The following CD83 variants were observed in gnomAD, a reference collection of about 807,000 sequenced individuals.
CD83 encodes CD83 antigen.
Under a neutral mutation model 24.6 loss-of-function variants are expected in CD83, and 22 were observed. The ratio of observed to expected loss-of-function variants is 0.90; its 90% CI spans 0.64 to 1.28. The LOEUF is 1.28. Ranked by LOEUF, CD83 falls within the 50% of genes most tolerant of loss-of-function variation. The pLI is 0.00. For synonymous variants in CD83, 101 were observed against 103.5 expected (o/e 0.98, Z 0.14); for missense variants, 253 against 252.8 (o/e 1.00, Z -0.01).
chr6:14,135,014 T>C, intron 4 of CD83, 94 bp from the exon 5 acceptor site: 15 of 1,307,566 alleles, frequency 1.1e-5, no homozygotes, highest in Non-Finnish European at 1.6e-5. Flanking sequence ...GAATGGGTTG[T>C]CTAGCCAGCT....
intron 2 of CD83, 32 bp from the exon 3 acceptor site, chr6:14,131,488 G>T (rs374415687): frequency 1.3e-6 from 2 of 1,518,648 alleles, no homozygotes; most frequent in Admixed American, 1.7e-5. Flanking sequence ...GCTTGCAGTG[G>T]ACCGTGATGC....
chr6:14,134,346 G>T (rs1757992778), intron 4 of CD83, among the ~76,000 whole-genome samples: 1 of 152,378 alleles, frequency 6.6e-6, no homozygotes, highest in East Asian at 1.9e-4. Flanking sequence ...CCCATGAGCT[G>T]TTGGTTGCAG....
At chr6:14,119,546 G>A (rs1581325314) in intron 2 of CD83, among the ~76,000 whole-genome samples, 1 of 152,154 alleles carries the variant, frequency 6.6e-6, no homozygotes, top group African/African-American at 2.4e-5. Flanking sequence ...CTTAGGGAGG[G>A]AAATAACTTG....
rs147342996 is a variant in CD83 at position 14,131,616 on chromosome 6, G to A, written c.250G>A (p.Ala84Thr). Residue 84 changes from alanine (A) to threonine (T), a missense_variant, in exon 3 of 5, where the codon GCC becomes ACC. Coordinates refer to ENST00000379153, the MANE Select transcript of CD83 (RefSeq NM_004233.4). ...HQKGQNGSFD[A>T]PNERPYSLKI... ...GAAGGGGCAAAATGGTTCTTTCGACGCCCCCAATGAAAGGCCCTATTCCCT... is the reference window on the plus strand; with the variant it reads ...GAAGGGGCAAAATGGTTCTTTCGACACCCCCAATGAAAGGCCCTATTCCCT... The A allele has an allele frequency of 1.8e-5, 29 of 1,613,936 alleles. No homozygotes were observed. The highest frequency in any genetic ancestry group is 1.6e-4 in the Middle Eastern group (1 of 6,084).
chr6:14,133,663 C>G lies in CD83; in HGVS notation c.397C>G (p.Arg133Gly). Residue 133 changes from arginine to glycine, a missense_variant, in exon 4 of 5, where the codon CGT (arginine) becomes GGT (glycine). Coordinates refer to ENST00000379153, the MANE Select transcript of CD83 (RefSeq NM_004233.4). ...CTTTTTTAAAGGATGCCCTGCACAGCGTAAAGAAGAGACTTTTAAGAAATA... is the reference window on the plus strand; with the variant it reads ...CTTTTTTAAAGGATGCCCTGCACAGGGTAAAGAAGAGACTTTTAAGAAATA... ...ILRVTGCPAQ[R>G]KEETFKKYRA... The G allele has an allele frequency of 5.6e-6, 9 of 1,611,890 alleles. No individual in the cohort carries two copies. The highest frequency in any genetic ancestry group is 7.6e-6 in the Non-Finnish European group (9 of 1,178,286).
At chr6:14,120,565 G>T (rs1759648574) in intron 2 of CD83, among the ~76,000 whole-genome samples, 1 of 152,182 alleles carries the variant, frequency 6.6e-6, no homozygotes, top group Non-Finnish European at 1.5e-5. Flanking sequence ...TGTTTTGCCA[G>T]CTTAGGAGGG....
chr6:14,118,181 T>G (rs2113382387), intron 2 of CD83, 116 bp downstream of exon 2: 1 of 671,502 alleles, frequency 1.5e-6, no homozygotes, highest in East Asian at 3.2e-5. Context: ...GAGGGGCGTC[T>G]CCCGCAGCTG....
intron 2 of CD83, among the ~76,000 whole-genome samples, chr6:14,130,505 G>A (rs543164192): frequency 2.6e-5 from 4 of 152,252 alleles, no homozygotes; most frequent in South Asian, 2.1e-4. Flanking sequence ...CGGGCGGATC[G>A]CTTGAGTCTG....
chr6:14,126,480 G>A (rs1366510952), intron 2 of CD83, among the ~76,000 whole-genome samples: 1 of 152,124 alleles, frequency 6.6e-6, no homozygotes, highest in Admixed American at 6.6e-5. Flanking sequence ...GCCGTGGGAG[G>A]GCTGGGGTTT....
At chr6:14,124,550 C>T (rs140377013) in intron 2 of CD83, among the ~76,000 whole-genome samples, 5 of 152,248 alleles carry the variant, frequency 3.3e-5, no homozygotes, top group Non-Finnish European at 7.4e-5. Flanking sequence ...CATGTAAGCC[C>T]AGGGGACAAA....
chr6:14,131,630 G>C lies in CD83; in HGVS notation c.264G>C (p.Arg88Ser). 6.2e-7 allele frequency: 1 copy of C among 1,614,066 alleles called. No individual in the cohort carries two copies. Among genetic ancestry groups the C allele is most frequent in the South Asian group, 1.1e-5 (1 of 91,070 alleles). The change falls in exon 3 of 5, where the codon AGG becomes AGC. Residue 88 changes from arginine to serine, a missense_variant. Arg to Ser is a moderately radical substitution (Grantham distance 110, BLOSUM62 -1). Coordinates refer to ENST00000379153, the MANE Select transcript of CD83 (RefSeq NM_004233.4). Reference protein sequence around the residue: ...QNGSFDAPNERPYSLKIRNTT... With the variant: ...QNGSFDAPNESPYSLKIRNTT... ...GTTCTTTCGACGCCCCCAATGAAAGGCCCTATTCCCTGAAGATCCGAAACA... is the reference window on the plus strand; with the variant it reads ...GTTCTTTCGACGCCCCCAATGAAAGCCCCTATTCCCTGAAGATCCGAAACA...
chr6:14,117,684 C>G (rs1472692890), upstream of CD83: 10 of 632,572 alleles, frequency 1.6e-5, no homozygotes, highest in Admixed American at 1.7e-4. The surrounding 1 kb of genome is among the most constrained non-coding windows in gnomAD (Gnocchi z 4.6). Flanking sequence ...CCACCCGCTT[C>G]CGCTGCCCGC....
intron 2 of CD83, among the ~76,000 whole-genome samples, chr6:14,126,499 C>T (rs1759818391): frequency 6.6e-6 from 1 of 152,212 alleles, no homozygotes; most frequent in Non-Finnish European, 1.5e-5. Context: ...TTGGTTCCAG[C>T]TCAGTCCAAT....
At chr6:14,122,913 G>C (rs141323376) in intron 2 of CD83, among the ~76,000 whole-genome samples, 1 of 152,314 alleles carries the variant, frequency 6.6e-6, no homozygotes, top group East Asian at 1.9e-4. Flanking sequence ...GACTTTTTGG[G>C]AACCATTGAG....
At chr6:14,125,841 G>GA (rs1275609070) in intron 2 of CD83, among the ~76,000 whole-genome samples, 3 of 152,166 alleles carry the variant, frequency 2.0e-5, no homozygotes, top group East Asian at 1.9e-4. Context: ...ATCATATGTG[G>GA]AAAAAACAGT....
At position 14,126,279 on chromosome 6, in the gene CD83, T is replaced by A. The variant is rs12055812; in HGVS notation, c.154-5241T>A. 6.2e-4 allele frequency among the ~76,000 whole-genome samples: 94 copies of A among 152,290 alleles called. 2 individuals carry two copies. The East Asian group carries it at 0.013, about 21-fold the overall frequency. On this transcript the variant is annotated intron_variant, in intron 2 of 4. Coordinates refer to ENST00000379153, the MANE Select transcript of CD83 (RefSeq NM_004233.4). ...TTAGTATGCAGAATGAAACCTTGGT[T>A]ATAAAAAAAAGGAGAGAGAGAGAGT...
At chr6:14,128,840 CAAAT>C (rs1202425831) in intron 2 of CD83, among the ~76,000 whole-genome samples, 13 of 152,196 alleles carry the variant, frequency 8.5e-5, no homozygotes, top group African/African-American at 3.1e-4. Flanking sequence ...ATCTAACCGT[CAAAT>C]AAATTTTATT....
rs1489098756 is a variant in CD83 at position 14,131,630 on chromosome 6, G to A, written c.264G>A (p.Arg88=). The change falls in exon 3 of 5, where the codon AGG becomes AGA. Residue 88 remains arginine (R), a synonymous_variant. Transcript: ENST00000379153. ...QNGSFDAPNE[R]PYSLKIRNTT... is the part of the protein sequence containing the mutation. Reference sequence around the variant, plus strand: ...GTTCTTTCGACGCCCCCAATGAAAGGCCCTATTCCCTGAAGATCCGAAACA... The same window carrying A: ...GTTCTTTCGACGCCCCCAATGAAAGACCCTATTCCCTGAAGATCCGAAACA... 2 of 1,614,066 alleles carry A rather than the reference G, an allele frequency of 1.2e-6. No homozygotes were observed. The highest frequency in any genetic ancestry group is 1.7e-6 in the Non-Finnish European group (2 of 1,179,994).
intron 2 of CD83, 24 bp downstream of exon 2, chr6:14,118,089 C>G (rs762243383): frequency 2.1e-5 from 32 of 1,549,736 alleles, no homozygotes; most frequent in Middle Eastern, 1.7e-4. Context: ...TACCCACGGG[C>G]TGGGGTTTGG....
Sources: gnomAD v4.1 joint callset for allele counts (sites outside exome capture counted in the v4.1 genomes callset) on GRCh38, gnomAD v4.1.1 for gene constraint, Gnocchi (gnomAD v3.1) non-coding constraint, MANE v1.5 for transcripts, NCBI Gene and HGNC (gene_info 2026-07-23, HGNC 2026-07-21) for gene names.